ADAMTSL1: variants seen among roughly 807,000 people sequenced by gnomAD.
ADAMTSL1 encodes ADAMTS-like protein 1.
A neutral mutation model predicts 201.8 loss-of-function variants in ADAMTSL1; 126 were observed. That is an observed-to-expected ratio of 0.62 (90% confidence interval 0.54 to 0.72). The LOEUF (loss-of-function observed/expected upper bound fraction) is 0.72, where lower values mean the gene tolerates loss of function less well. Ranked by LOEUF, ADAMTSL1 falls within the 30% of genes least tolerant of loss-of-function variation. The pLI, the probability that ADAMTSL1 is intolerant of heterozygous loss-of-function variation, is 0.00. For missense variants in ADAMTSL1, 2,679 were observed against 2,277.8 expected, an observed-to-expected ratio of 1.18 and a Z score of -3.59; for synonymous variants, 1,121 against 903.4, an observed-to-expected ratio of 1.24 and a Z score of -4.32.
chr9:18,472,411 G>T (rs964239466), upstream of ADAMTSL1, among the ~76,000 whole-genome samples: 7 of 152,154 alleles, frequency 4.6e-5, no homozygotes, highest in African/African-American at 1.2e-4. Context: ...TCAAGAATGG[G>T]CTCTCTTTGT....
At chr9:18,512,793 C>T (rs1202588157) in intron 2 of ADAMTSL1, among the ~76,000 whole-genome samples, 1 of 152,084 alleles carries the variant, frequency 6.6e-6, no homozygotes, top group Non-Finnish European at 1.5e-5. Context: ...GCTTTCTTTT[C>T]CTAATTCAAT....
intron 2 of ADAMTSL1, among the ~76,000 whole-genome samples, chr9:18,336,361 A>G (rs543610593): frequency 1.9e-4 from 29 of 151,454 alleles, no homozygotes; most frequent in African/African-American, 7.0e-4. Flanking sequence ...AAGAAGGACT[A>G]TCAGCCATGA....
intron 14 of ADAMTSL1, 114 bp from the exon 15 acceptor site, chr9:18,721,422 G>A (rs1023663139): frequency 7.0e-7 from 1 of 1,425,022 alleles, no homozygotes; most frequent in Non-Finnish European, 9.5e-7. Flanking sequence ...CTGACATACA[G>A]CGAGAGTCCT....
chr9:18,325,870 C>T (rs1032240511), intron 2 of ADAMTSL1, among the ~76,000 whole-genome samples: 1 of 152,066 alleles, frequency 6.6e-6, no homozygotes, highest in African/African-American at 2.4e-5. Context: ...CCTCCCGCGT[C>T]GCTGGGATTA....
chr9:18,040,398 G>A (rs573688526), intron 1 of ADAMTSL1, among the ~76,000 whole-genome samples: 61 of 152,286 alleles, frequency 4.0e-4, no homozygotes, highest in African/African-American at 1.4e-3. Flanking sequence ...TGATGCTTCT[G>A]TTCCTACTGA....
intron 14 of ADAMTSL1, among the ~76,000 whole-genome samples, chr9:18,720,981 T>G (rs1267625108): frequency 6.6e-6 from 1 of 152,086 alleles, no homozygotes; most frequent in Non-Finnish European, 1.5e-5. Context: ...TTGTTCCAAC[T>G]TCCAAGGCTG....
intron 3 of ADAMTSL1, among the ~76,000 whole-genome samples, chr9:18,540,513 T>C (rs1347307359): frequency 4.6e-5 from 7 of 152,144 alleles, no homozygotes; most frequent in South Asian, 4.1e-4. Flanking sequence ...GCCCAGCTTA[T>C]TTGGGGGCCT....
intron 3 of ADAMTSL1, among the ~76,000 whole-genome samples, chr9:18,541,168 T>C (rs556211852): frequency 6.6e-6 from 1 of 152,318 alleles, no homozygotes; most frequent in South Asian, 2.1e-4. Flanking sequence ...TCTCCTATCT[T>C]TCAGAGTCTG....
At chr9:18,681,695 T>TTTTTG in intron 11 of ADAMTSL1, 117 bp from the exon 12 acceptor site, 1 of 287,152 alleles carries the variant, frequency 3.5e-6, no homozygotes, top group Non-Finnish European at 5.4e-6. Flanking sequence ...GGAGTCCTCG[T>TTTTTG]GTGGGGGGGG....
rs530330757 is a variant in ADAMTSL1 at position 18,062,584 on chromosome 9, A to T, written c.88-101278A>T. 2.0e-5 allele frequency among the ~76,000 whole-genome samples: 3 copies of T among 152,322 alleles called. No homozygotes were observed. The South Asian group carries it at 6.2e-4, about 32-fold the overall frequency. On this transcript the variant is annotated intron_variant, in intron 1 of 29. Transcript: ENST00000680146. Reference sequence around the variant, plus strand: ...TGTAAATGAAATAAAGAAGAAAATTAGAAATAAGAGGAATAAGAAATCATT... The same window carrying T: ...TGTAAATGAAATAAAGAAGAAAATTTGAAATAAGAGGAATAAGAAATCATT...
At chr9:18,311,815 T>C (rs1587529071) in intron 2 of ADAMTSL1, among the ~76,000 whole-genome samples, 1 of 152,242 alleles carries the variant, frequency 6.6e-6, no homozygotes, top group Middle Eastern at 3.4e-3. Context: ...TACAACACAG[T>C]ATTACAAAGG....
intron 13 of ADAMTSL1, among the ~76,000 whole-genome samples, chr9:18,686,519 G>T (rs931267303): frequency 3.9e-5 from 6 of 152,186 alleles, no homozygotes; most frequent in African/African-American, 1.4e-4. Context: ...ATCCAGTAAG[G>T]TCCTATTTAA....
chr9:18,145,211 G>T (rs997586024), intron 1 of ADAMTSL1, among the ~76,000 whole-genome samples: 3 of 152,170 alleles, frequency 2.0e-5, no homozygotes, highest in Admixed American at 6.5e-5. Flanking sequence ...GACCATAAAG[G>T]TATATTAGTA....
intron 2 of ADAMTSL1, among the ~76,000 whole-genome samples, chr9:18,197,723 A>G (rs937859683): frequency 1.1e-4 from 17 of 151,558 alleles, no homozygotes; most frequent in Admixed American, 8.6e-4. Flanking sequence ...TATGTTGAAT[A>G]GGAGTGGTGA....
intron 2 of ADAMTSL1, among the ~76,000 whole-genome samples, chr9:18,462,997 G>T (rs1457575743): frequency 6.6e-6 from 1 of 151,844 alleles, no homozygotes; most frequent in Admixed American, 6.6e-5. Context: ...GAAAAAGGGA[G>T]CATTCCAGGC....
intron 11 of ADAMTSL1, 36 bp from the exon 12 acceptor site, chr9:18,681,776 C>G (rs781746495): frequency 2.6e-6 from 4 of 1,515,412 alleles, no homozygotes. Context: ...CAAGGCTTTG[C>G]CTACGAGTCT....
At chr9:18,098,948 A>G (rs575983103) in intron 1 of ADAMTSL1, among the ~76,000 whole-genome samples, 5 of 152,240 alleles carry the variant, frequency 3.3e-5, no homozygotes, top group African/African-American at 1.2e-4. Flanking sequence ...TCCCCTAAAG[A>G]TTACAGTTTT....
chr9:18,392,920 C>A (rs536902217), intron 2 of ADAMTSL1, among the ~76,000 whole-genome samples: 1 of 152,300 alleles, frequency 6.6e-6, no homozygotes, highest in African/African-American at 2.4e-5. Context: ...ATGGCTATTT[C>A]ACATGCTACC....
exon 1 of ADAMTSL1, chr9:17,906,800 C>T (rs1016392277): frequency 6.6e-6 from 1 of 152,156 alleles, no homozygotes; most frequent in Non-Finnish European, 1.5e-5. Context: ...GGAGGGGTCT[C>T]GCCTGAGACT....
Sources: allele counts gnomAD v4.1 joint callset (sites outside exome capture counted in the v4.1 genomes callset), GRCh38; gene constraint gnomAD v4.1.1; transcripts MANE v1.5; gene names NCBI Gene and HGNC (gene_info 2026-07-23, HGNC 2026-07-21).